Variants in CSMD3 observed in about 807,000 individuals in gnomAD.
CSMD3 encodes the protein CUB and sushi domain-containing protein 3.
Under a neutral mutation model 435.2 loss-of-function variants are expected in CSMD3, and 177 were observed. That is an observed-to-expected ratio of 0.41 (90% CI 0.36 to 0.46). The LOEUF (loss-of-function observed/expected upper bound fraction) is 0.46. CSMD3 is among the 20% of genes least tolerant of loss of function. The pLI is 0.34. For synonymous variants in CSMD3, 1,656 were observed against 1,520.5 expected, an observed-to-expected ratio of 1.09 and a Z score of -2.07; for missense variants, 4,265 against 4,504.6, an observed-to-expected ratio of 0.95 and a Z score of 1.52.
chr8:112,895,226 T>C (rs774764367), intron 10 of CSMD3, among the ~76,000 whole-genome samples: 20 of 151,378 alleles, frequency 1.3e-4, no homozygotes, highest in Non-Finnish European at 1.6e-4. Context: ...AAGCTATATA[T>C]ATATTATAAA....
chr8:112,477,473 C>T (rs1208588515), intron 31 of CSMD3, among the ~76,000 whole-genome samples: 3 of 152,004 alleles, frequency 2.0e-5, no homozygotes, highest in African/African-American at 7.2e-5. Context: ...AATGTAATCT[C>T]CAGTGTTGGT....
chr8:112,598,413 G>C (rs1305398391), intron 22 of CSMD3, among the ~76,000 whole-genome samples: 1 of 149,954 alleles, frequency 6.7e-6, no homozygotes, highest in Admixed American at 6.7e-5. Context: ...TGGATAGGAA[G>C]AATCAATATT....
At chr8:112,473,987 T>C (rs10505173) in intron 31 of CSMD3, among the ~76,000 whole-genome samples, 42,935 of 151,796 alleles carry the variant, frequency 0.28, 6,385 homozygotes, top group East Asian at 0.5. Context: ...TTCATCAGTA[T>C]TAAAGCTGAT....
intron 9 of CSMD3, among the ~76,000 whole-genome samples, chr8:112,940,739 T>C (rs1258829517): frequency 6.6e-6 from 1 of 151,796 alleles, no homozygotes; most frequent in Non-Finnish European, 1.5e-5. Context: ...TCTCCAAGGA[T>C]TTTCTCATAG....
intron 9 of CSMD3, among the ~76,000 whole-genome samples, chr8:112,932,497 T>C (rs2083142463): frequency 6.6e-6 from 1 of 152,072 alleles, no homozygotes; most frequent in Non-Finnish European, 1.5e-5. Context: ...CCGCCTGCCT[T>C]GGCCTCCCAA....
chr8:113,008,000 T>C (rs183348678), intron 6 of CSMD3, among the ~76,000 whole-genome samples: 69 of 151,930 alleles, frequency 4.5e-4, no homozygotes, highest in Admixed American at 3.6e-3. Context: ...CTTAAATATC[T>C]CAATATCTTC....
intron 40 of CSMD3, among the ~76,000 whole-genome samples, chr8:112,349,050 A>G (rs1825914446): frequency 6.6e-6 from 1 of 152,020 alleles, no homozygotes; most frequent in Non-Finnish European, 1.5e-5. Flanking sequence ...TCAGTGACAT[A>G]ATTAATCTAT....
At chr8:113,064,801 G>T (rs1270303093) in intron 5 of CSMD3, among the ~76,000 whole-genome samples, 1 of 151,782 alleles carries the variant, frequency 6.6e-6, no homozygotes, top group Non-Finnish European at 1.5e-5. Context: ...ATTTATTTTG[G>T]AAGACAGGGC....
chr8:113,403,603 G>A (rs1431276109), intron 1 of CSMD3, among the ~76,000 whole-genome samples: 1 of 151,372 alleles, frequency 6.6e-6, no homozygotes, highest in East Asian at 1.9e-4. Flanking sequence ...CTGTGATTAT[G>A]AAATTCTAAA....
At chr8:113,060,440 T>C (rs978415987) in intron 5 of CSMD3, among the ~76,000 whole-genome samples, 2 of 151,962 alleles carry the variant, frequency 1.3e-5, no homozygotes. Flanking sequence ...TTGTGAATAG[T>C]GTAGGGCCTT....
chr8:113,220,295 T>C (rs888843199), intron 3 of CSMD3, among the ~76,000 whole-genome samples: 2 of 151,300 alleles, frequency 1.3e-5, no homozygotes, highest in Non-Finnish European at 1.5e-5. Flanking sequence ...CGAGGGCTCC[T>C]TGGAGAAATG....
chr8:112,977,316 G>A (rs1042553768), intron 6 of CSMD3, among the ~76,000 whole-genome samples: 1 of 151,820 alleles, frequency 6.6e-6, no homozygotes, highest in Non-Finnish European at 1.5e-5. Context: ...GCCCCTGAGT[G>A]GTATATGTTT....
intron 12 of CSMD3, among the ~76,000 whole-genome samples, chr8:112,805,338 C>T (rs1186979277): frequency 6.6e-6 from 1 of 152,120 alleles, no homozygotes; most frequent in South Asian, 2.1e-4. Context: ...GTCAATTCAT[C>T]ACTTTGGGCC....
At chr8:112,392,314 C>CAAAAAAA (rs1200157495) in intron 35 of CSMD3, among the ~76,000 whole-genome samples, 1 of 83,978 alleles carries the variant, frequency 1.2e-5, no homozygotes, top group Non-Finnish European at 2.2e-5. Context: ...GGCAATTACT[C>CAAAAAAA]AAAAAAAAAA....
chr8:112,922,315 G>C (rs2082768768), intron 9 of CSMD3, among the ~76,000 whole-genome samples: 1 of 151,814 alleles, frequency 6.6e-6, no homozygotes. Flanking sequence ...AAATAATCAG[G>C]GAGAATGAGG....
chr8:113,110,661 C>T (rs2090611570), intron 4 of CSMD3, among the ~76,000 whole-genome samples: 1 of 152,134 alleles, frequency 6.6e-6, no homozygotes, highest in South Asian at 2.1e-4. Context: ...ACCAAGATTG[C>T]CCTTAATGAA....
rs1469092357 is a variant in CSMD3, at chr8:112,807,145, A to G, written c.1860-6871T>C. On this transcript the variant is annotated intron_variant, in intron 12 of 70. Coordinates refer to ENST00000297405, the MANE Select transcript of CSMD3 (RefSeq NM_198123.2). ...TCCCATGAGTTACCTAGTAAAGAAA[A>G]TCCCTACTGGCTTTTTTTGGAGAGC... Among the ~76,000 whole-genome samples, 3 of 152,118 alleles carry G rather than the reference A, an allele frequency of 2.0e-5. No homozygotes were observed. In the East Asian group the frequency reaches 5.8e-4, roughly 29 times the overall value.
chr8:112,422,179 T>C (rs1212309283), intron 32 of CSMD3, among the ~76,000 whole-genome samples: 1 of 151,950 alleles, frequency 6.6e-6, no homozygotes, highest in East Asian at 1.9e-4. Context: ...GAAGCAGAAC[T>C]GAAAGAAAAG....
At chr8:112,844,994 G>A (rs2080278070) in intron 11 of CSMD3, among the ~76,000 whole-genome samples, 1 of 151,862 alleles carries the variant, frequency 6.6e-6, no homozygotes, top group African/African-American at 2.4e-5. Context: ...AGATTAAAAT[G>A]GTGGGTATAC....
Sources: gnomAD v4.1 joint callset for allele counts (sites outside exome capture counted in the v4.1 genomes callset) on GRCh38, gnomAD v4.1.1 for gene constraint, MANE v1.5 for transcripts, NCBI Gene and HGNC (gene_info 2026-07-23, HGNC 2026-07-21) for gene names.